RHBDL3: variants seen among roughly 807,000 people sequenced by gnomAD.
The protein encoded by RHBDL3 is rhomboid like 3.
RHBDL3 carries 28 observed loss-of-function variants against 48.2 expected under a neutral mutation model. That is an observed-to-expected ratio of 0.58 (90% CI 0.43 to 0.80). The LOEUF (loss-of-function observed/expected upper bound fraction) is 0.80. Among genes scored for constraint, RHBDL3 ranks in the 30% least tolerant of loss-of-function variants. The probability of loss-of-function intolerance (pLI) is 0.00; values close to 1 mark genes in which losing one functional copy is unlikely to be tolerated. For synonymous variants in RHBDL3, 208 were observed against 232.3 expected, an observed-to-expected ratio of 0.90 and a Z score of 0.95; for missense variants, 464 against 542.7, an observed-to-expected ratio of 0.85 and a Z score of 1.44.
At chr17:32,270,132 C>CAGAA (rs1236420974) in intron 2 of RHBDL3, among the ~76,000 whole-genome samples, 13 of 68,088 alleles carry the variant, frequency 1.9e-4, no homozygotes, top group Admixed American at 3.2e-4. Context: ...GACCCTTTCT[C>CAGAA]AAAAAAAAAA....
At chr17:32,316,710 G>A (rs1382823090) in intron 8 of RHBDL3, among the ~76,000 whole-genome samples, 1 of 151,932 alleles carries the variant, frequency 6.6e-6, no homozygotes, top group Non-Finnish European at 1.5e-5. Context: ...AGAGATGGGG[G>A]TCTTGCCATG....
chr17:32,309,179 AGTGTGTGTGTGTGTGTGTGTGTGT>A (rs61558385), intron 7 of RHBDL3, among the ~76,000 whole-genome samples: 2 of 149,622 alleles, frequency 1.3e-5, no homozygotes, highest in African/African-American at 4.9e-5. Flanking sequence ...GAAGGTTTGG[AGTGTGTGTGTGTGTGTGTGTGTGT>A]GTGTGTGTGT....
intron 2 of RHBDL3, among the ~76,000 whole-genome samples, chr17:32,273,885 G>A (rs1187699298): frequency 6.6e-6 from 1 of 152,140 alleles, no homozygotes; most frequent in Non-Finnish European, 1.5e-5. Context: ...ACAGGCGTGT[G>A]CAATCACACC....
At chr17:32,319,562 G>T (rs35874497) in intron 8 of RHBDL3, among the ~76,000 whole-genome samples, 25,513 of 152,124 alleles carry the variant, frequency 0.17, 2,556 homozygotes, top group African/African-American at 0.27. Flanking sequence ...GCTGTCCCAG[G>T]GCAGGAGTGG....
At chr17:32,283,102 A>G (rs2040098016) in intron 2 of RHBDL3, among the ~76,000 whole-genome samples, 1 of 151,932 alleles carries the variant, frequency 6.6e-6, no homozygotes, top group South Asian at 2.1e-4. Flanking sequence ...TACATCCTCA[A>G]TGTCTGTTTG....
At chr17:32,279,480 C>G (rs1335250393) in intron 2 of RHBDL3, among the ~76,000 whole-genome samples, 2 of 152,156 alleles carry the variant, frequency 1.3e-5, no homozygotes, top group Admixed American at 1.3e-4. Context: ...ATTTCTGATT[C>G]CCTGACCTGC....
intron 8 of RHBDL3, among the ~76,000 whole-genome samples, chr17:32,319,123 T>TA (rs34447899): frequency 0.052 from 7,502 of 143,230 alleles, 231 homozygotes; most frequent in Non-Finnish European, 0.072. Context: ...TCTTGTTGTT[T>TA]AAAAAAAAAA....
intron 3 of RHBDL3, 69 bp downstream of exon 3, chr17:32,284,886 G>A (rs1247605464): frequency 1.5e-6 from 2 of 1,369,322 alleles, no homozygotes; most frequent in South Asian, 1.2e-5. Context: ...CACATTTAAA[G>A]GATTTAGGCA....
At chr17:32,269,275 G>A (rs943890781) in intron 2 of RHBDL3, among the ~76,000 whole-genome samples, 3 of 152,314 alleles carry the variant, frequency 2.0e-5, no homozygotes, top group African/African-American at 7.2e-5. Flanking sequence ...CTGAGCCCAG[G>A]AAGTTGAGGC....
chr17:32,305,533 A>T, intron 7 of RHBDL3, 92 bp downstream of exon 7: 1 of 912,002 alleles, frequency 1.1e-6, no homozygotes, highest in Non-Finnish European at 1.8e-6. Flanking sequence ...GGCTCACCAA[A>T]AACCAGGCAG....
intron 7 of RHBDL3, among the ~76,000 whole-genome samples, chr17:32,310,637 C>T (rs1448293696): frequency 6.7e-6 from 1 of 148,766 alleles, no homozygotes; most frequent in Non-Finnish European, 1.5e-5. Context: ...CGCTTGAACT[C>T]GGGAGGCGGA....
chr17:32,297,499 CAA>C (rs2040479213), intron 5 of RHBDL3, among the ~76,000 whole-genome samples: 2 of 152,020 alleles, frequency 1.3e-5, no homozygotes, highest in African/African-American at 2.4e-5. Context: ...AAACAAAAAA[CAA>C]AGAGAGCCAG....
At chr17:32,284,471 G>T in intron 2 of RHBDL3, 188 bp from the exon 3 acceptor site, 2 of 562,504 alleles carry the variant, frequency 3.6e-6, no homozygotes, top group Non-Finnish European at 6.3e-6. Context: ...CTGAAGGTCT[G>T]CAGGTCCTCC....
intron 2 of RHBDL3, among the ~76,000 whole-genome samples, chr17:32,274,652 T>C (rs2039851624): frequency 6.6e-6 from 1 of 152,116 alleles, no homozygotes; most frequent in Admixed American, 6.5e-5. Context: ...ATGGTTTGCT[T>C]GAGGCCAGGA....
At chr17:32,267,748 C>G in intron 1 of RHBDL3, 154 bp from the exon 2 acceptor site, 2 of 1,442,636 alleles carry the variant, frequency 1.4e-6, no homozygotes, top group South Asian at 1.3e-5. Context: ...TTCCCCTGCT[C>G]TCCTGTGGCC....
chr17:32,282,325 G>A lies in RHBDL3; in HGVS notation c.136-2334G>A, dbSNP rs535592391. Reference sequence around the variant, plus strand: ...CTCATGCCTGTAATCCCAGTACTTTGGGAAGCTGAGGCAGGAGGATCACTT... The same window carrying A: ...CTCATGCCTGTAATCCCAGTACTTTAGGAAGCTGAGGCAGGAGGATCACTT... On this transcript the variant is annotated intron_variant, in intron 2 of 8. Transcript: ENST00000269051. Among the ~76,000 whole-genome samples, 41 of 152,230 alleles carry A rather than the reference G, an allele frequency of 2.7e-4. No homozygotes were observed. The East Asian group carries it at 4.8e-3, about 18-fold the overall frequency.
At chr17:32,291,053 C>A (rs1192068412) in intron 4 of RHBDL3, among the ~76,000 whole-genome samples, 1 of 149,846 alleles carries the variant, frequency 6.7e-6, no homozygotes, top group African/African-American at 2.5e-5. Context: ...GGGGGATTGG[C>A]CGGACGTGGT....
At chr17:32,288,710 A>G (rs1468175433) in intron 3 of RHBDL3, 82 bp from the exon 4 acceptor site, 5 of 1,003,206 alleles carry the variant, frequency 5.0e-6, no homozygotes, top group Admixed American at 2.1e-5. Context: ...GCCTGGTGCA[A>G]GGAACATGCT....
chr17:32,306,805 C>G (rs1157971133), intron 7 of RHBDL3, among the ~76,000 whole-genome samples: 6 of 152,042 alleles, frequency 3.9e-5, no homozygotes, highest in Non-Finnish European at 8.8e-5. Context: ...GCTATAGTCC[C>G]AGCTACTCCA....
Sources: allele counts gnomAD v4.1 joint callset (sites outside exome capture counted in the v4.1 genomes callset), GRCh38; gene constraint gnomAD v4.1.1; transcripts MANE v1.5; gene names NCBI Gene and HGNC (gene_info 2026-07-23, HGNC 2026-07-21).